CCSER1: variants seen among roughly 807,000 people sequenced by gnomAD.
CCSER1 encodes the protein serine-rich coiled-coil domain-containing protein 1.
In CCSER1, 41 loss-of-function variants were observed where a neutral mutation model predicts 82.0. That is an observed-to-expected ratio of 0.50 (90% CI 0.39 to 0.65). The LOEUF (loss-of-function observed/expected upper bound fraction) is 0.65. Ranked by LOEUF, CCSER1 falls within the 30% of genes least tolerant of loss-of-function variation. CCSER1 has a pLI of 0.00. For missense variants in CCSER1, 1,119 were observed against 1,064.2 expected (o/e 1.05, Z -0.72); for synonymous variants, 414 against 383.9 (o/e 1.08, Z -0.92).
intron 10 of CCSER1, among the ~76,000 whole-genome samples, chr4:91,505,723 T>C (rs551608220): frequency 6.6e-6 from 1 of 152,176 alleles, no homozygotes; most frequent in African/African-American, 2.4e-5. Context: ...TCATGTTTGT[T>C]GGTGCATGAA....
At chr4:90,860,447 TA>T in intron 8 of CCSER1, among the ~76,000 whole-genome samples, 1 of 151,804 alleles carries the variant, frequency 6.6e-6, no homozygotes, top group Non-Finnish European at 1.5e-5. Context: ...TTTTAATTTT[TA>T]AAAATGTTAA....
At chr4:91,469,671 A>G (rs542867889) in intron 10 of CCSER1, among the ~76,000 whole-genome samples, 1 of 152,308 alleles carries the variant, frequency 6.6e-6, no homozygotes, top group African/African-American at 2.4e-5. Flanking sequence ...GCTTAACTAG[A>G]TATGACTACC....
chr4:91,298,813 C>A (rs1286611473), intron 10 of CCSER1, among the ~76,000 whole-genome samples: 2 of 151,940 alleles, frequency 1.3e-5, no homozygotes, highest in Non-Finnish European at 2.9e-5. Context: ...TCACATATTA[C>A]CAGCTTTTAC....
intron 3 of CCSER1, among the ~76,000 whole-genome samples, chr4:90,371,718 A>G (rs371896445): frequency 3.3e-5 from 5 of 152,296 alleles, no homozygotes; most frequent in South Asian, 4.1e-4. Context: ...TAATAGCACC[A>G]TAAACTAAAA....
intron 1 of CCSER1, among the ~76,000 whole-genome samples, chr4:90,136,343 C>G (rs1371762703): frequency 1.3e-5 from 2 of 152,034 alleles, no homozygotes; most frequent in Non-Finnish European, 2.9e-5. Context: ...CAGCAAGACC[C>G]TGTCTCTAAA....
intron 8 of CCSER1, among the ~76,000 whole-genome samples, chr4:90,884,190 A>G (rs966909922): frequency 1.3e-5 from 2 of 152,172 alleles, no homozygotes; most frequent in African/African-American, 4.8e-5. Flanking sequence ...TAGACCCACA[A>G]GTGATACTGA....
At chr4:91,145,779 C>T (rs560856251) in intron 10 of CCSER1, among the ~76,000 whole-genome samples, 57 of 152,182 alleles carry the variant, frequency 3.7e-4, no homozygotes, top group Non-Finnish European at 6.3e-4. Flanking sequence ...GAAATGGACT[C>T]CTAATCTCTT....
chr4:90,653,560 G>A (rs1165489116), intron 6 of CCSER1, among the ~76,000 whole-genome samples: 3 of 152,016 alleles, frequency 2.0e-5, no homozygotes, highest in Admixed American at 6.6e-5. Flanking sequence ...ACAACAGGGT[G>A]TACATTCGTA....
intron 10 of CCSER1, among the ~76,000 whole-genome samples, chr4:91,271,187 G>T (rs916718554): frequency 2.0e-5 from 3 of 152,020 alleles, no homozygotes; most frequent in African/African-American, 7.2e-5. Context: ...AATAATCTAG[G>T]CTTTGTCATC....
In CCSER1 at chr4:90,751,462, A is replaced by G. The variant is rs568863393; in HGVS notation, c.2010+27471A>G. Among the ~76,000 whole-genome samples, 4 of 152,232 alleles carry G rather than the reference A, an allele frequency of 2.6e-5. No individual in the cohort carries two copies. The South Asian group carries it at 8.3e-4, about 32-fold the overall frequency. On this transcript the variant is annotated intron_variant, in intron 7 of 10. Transcript: ENST00000509176. ...TAATTTTGTCCTAACACTGTGTAAC[A>G]TATGGTGTTTACATTCTTCTCAAGA...
intron 1 of CCSER1, among the ~76,000 whole-genome samples, chr4:90,288,666 A>G (rs114594460): frequency 0.011 from 1,662 of 152,038 alleles, 15 homozygotes; most frequent in African/African-American, 0.024. Flanking sequence ...GGTGTAAAGG[A>G]CACCCCTGCC....
intron 1 of CCSER1, among the ~76,000 whole-genome samples, chr4:90,195,036 TATCTC>T (rs1267523614): frequency 6.6e-6 from 1 of 152,064 alleles, no homozygotes; most frequent in African/African-American, 2.4e-5. Context: ...ATTAATGAAT[TATCTC>T]AAATCAAGAA....
rs988355848 is a variant in CCSER1, at chr4:91,013,379, A to G, written c.2173-72571A>G. On this transcript the variant is annotated intron_variant, in intron 9 of 10. Transcript: ENST00000509176. Reference sequence around the variant, plus strand: ...CTTGTTGAAGATCATTTGACTATATATGCATAAGTCTATTTCAACCTTCCC... The same window carrying G: ...CTTGTTGAAGATCATTTGACTATATGTGCATAAGTCTATTTCAACCTTCCC... Among the ~76,000 whole-genome samples, 13 of 133,168 alleles carry G rather than the reference A, an allele frequency of 9.8e-5. 1 individual carries two copies. Among genetic ancestry groups the G allele is most frequent in the African/African-American group, 3.2e-4 (13 of 40,190 alleles). The allele number at this position is 133,168 out of a possible 152,430, so 87.4% of individuals were successfully genotyped here.
Position 91,097,086 on chromosome 4 carries a change from G to A in CCSER1, c.2217+11092G>A, listed in dbSNP as rs77041573. On this transcript the variant is annotated intron_variant, in intron 10 of 10. Transcript: ENST00000509176. ...CCCAGTGTCCAGCCGGTGCCTGTGT[G>A]CACAGTTTTTTAATGGCGGATTGTC... Among the ~76,000 whole-genome samples the A allele has an allele frequency of 8.3e-3, 1,262 of 152,274 alleles. 12 individuals are homozygous for A. The highest frequency in any genetic ancestry group is 0.029 in the African/African-American group (1,211 of 41,550).
At chr4:90,159,831 C>T (rs1021471646) in intron 1 of CCSER1, among the ~76,000 whole-genome samples, 1 of 152,136 alleles carries the variant, frequency 6.6e-6, no homozygotes, top group Non-Finnish European at 1.5e-5. Context: ...TAGTGCCTAA[C>T]ATTTATTGAG....
At chr4:90,341,231 C>A (rs7663503) in intron 3 of CCSER1, among the ~76,000 whole-genome samples, 99,745 of 151,884 alleles carry the variant, frequency 0.66, 34,249 homozygotes, top group African/African-American at 0.86. Context: ...CTGCATCATG[C>A]AGTGAAATCA....
chr4:91,051,419 A>G (rs2100826), intron 9 of CCSER1, among the ~76,000 whole-genome samples: 26,183 of 152,116 alleles, frequency 0.17, 2,342 homozygotes, highest in Admixed American at 0.23. Context: ...AAATTCATAT[A>G]TTGCTGTTAG....
At chr4:90,489,628 G>T (rs866980410) in intron 5 of CCSER1, among the ~76,000 whole-genome samples, 1 of 151,980 alleles carries the variant, frequency 6.6e-6, no homozygotes, top group East Asian at 1.9e-4. Context: ...CCATTAACTC[G>T]TCATTTACAT....
At chr4:90,460,724 C>T (rs1449311133) in intron 4 of CCSER1, among the ~76,000 whole-genome samples, 1 of 152,048 alleles carries the variant, frequency 6.6e-6, no homozygotes, top group Non-Finnish European at 1.5e-5. Flanking sequence ...TAAATTGTCT[C>T]CTAATAATTT....
Sources: allele counts gnomAD v4.1 joint callset (sites outside exome capture counted in the v4.1 genomes callset), GRCh38; gene constraint gnomAD v4.1.1; transcripts MANE v1.5; gene names NCBI Gene and HGNC (gene_info 2026-07-23, HGNC 2026-07-21).